The following RAP1GDS1 variants were observed in gnomAD, a reference collection of about 807,000 sequenced individuals.
The protein encoded by RAP1GDS1 is Rap1 GTPase-GDP dissociation stimulator 1.
A neutral mutation model predicts 71.1 loss-of-function variants in RAP1GDS1; 35 were observed. That is an observed-to-expected ratio of 0.49 (90% CI 0.38 to 0.65). RAP1GDS1 has a LOEUF of 0.65. Among genes scored for constraint, RAP1GDS1 ranks in the 30% least tolerant of loss-of-function variants. The probability of loss-of-function intolerance (pLI) is 0.00; values close to 1 mark genes in which losing one functional copy is unlikely to be tolerated. For synonymous variants in RAP1GDS1, 229 were observed against 243.1 expected, an observed-to-expected ratio of 0.94 and a Z score of 0.54; for missense variants, 663 against 706.1, an observed-to-expected ratio of 0.94 and a Z score of 0.69.
chr4:98,287,430 T>C (rs923365871), intron 1 of RAP1GDS1, among the ~76,000 whole-genome samples: 1 of 152,176 alleles, frequency 6.6e-6, no homozygotes, highest in Non-Finnish European at 1.5e-5. Context: ...AATCTTGTAA[T>C]GAATTATAAT....
At chr4:98,344,368 A>G (rs888547830) in intron 3 of RAP1GDS1, among the ~76,000 whole-genome samples, 1 of 152,200 alleles carries the variant, frequency 6.6e-6, no homozygotes, top group African/African-American at 2.4e-5. Context: ...GTTTTTAAGA[A>G]CAAGTCTTTT....
At chr4:98,403,853 C>T (rs1745767069) in intron 6 of RAP1GDS1, among the ~76,000 whole-genome samples, 1 of 152,024 alleles carries the variant, frequency 6.6e-6, no homozygotes, top group Non-Finnish European at 1.5e-5. Context: ...AGAGTAGAGG[C>T]AGTGTATGTA....
intron 2 of RAP1GDS1, among the ~76,000 whole-genome samples, chr4:98,339,004 T>C (rs941893682): frequency 6.6e-6 from 1 of 152,196 alleles, no homozygotes; most frequent in Admixed American, 6.5e-5. Context: ...TTCCCTCCCA[T>C]TCTCCTTACT....
At position 98,277,334 on chromosome 4, in the gene RAP1GDS1, A is replaced by T. The variant is rs116226616; in HGVS notation, c.4+15765A>T. On this transcript the variant is annotated intron_variant, in intron 1 of 14. Coordinates refer to ENST00000408927, the MANE Select transcript of RAP1GDS1 (RefSeq NM_001100427.2). ...ATTAACATTTTTAAAAAGACACTAC[A>T]TCAATTGTATTACTTTCTTATACAA... Among the ~76,000 whole-genome samples, 898 of 152,312 alleles carry T rather than the reference A, an allele frequency of 5.9e-3. 10 individuals are homozygous for T. Among genetic ancestry groups the T allele is most frequent in the African/African-American group, 0.021 (863 of 41,566 alleles).
At chr4:98,286,155 T>C (rs1481238409) in intron 1 of RAP1GDS1, among the ~76,000 whole-genome samples, 2 of 151,640 alleles carry the variant, frequency 1.3e-5, no homozygotes, top group African/African-American at 4.8e-5. Flanking sequence ...GCCCCATATA[T>C]TCAGCTTGCT....
At chr4:98,335,688 A>G (rs368109970) in intron 2 of RAP1GDS1, among the ~76,000 whole-genome samples, 27 of 151,954 alleles carry the variant, frequency 1.8e-4, no homozygotes, top group African/African-American at 6.3e-4. Context: ...TTCTTTTAGA[A>G]TGCTAGACCG....
At position 98,392,031 on chromosome 4, in the gene RAP1GDS1, A is replaced by C; in HGVS notation, c.588A>C (p.Ala196=). The part of the protein sequence containing the change: ...VKLLGIHCQN[A]ALTEMCLVAF... ...TACTGGGCATCCACTGCCAAAATGC[A>C]GCTCTTACAGAAATGTGTCTTGTTG... is the stretch of plus-strand genomic sequence containing the variant. Residue 196 remains alanine, a synonymous_variant, in exon 6 of 15, where the codon GCA becomes GCC. Coordinates refer to ENST00000408927, the MANE Select transcript of RAP1GDS1 (RefSeq NM_001100427.2). The C allele has an allele frequency of 6.2e-7, 1 of 1,613,004 alleles. No individual in the cohort carries two copies. Among genetic ancestry groups the C allele is most frequent in the Non-Finnish European group, 8.5e-7 (1 of 1,179,362 alleles).
chr4:98,340,059 G>A (rs1735274686), intron 2 of RAP1GDS1, among the ~76,000 whole-genome samples: 1 of 151,664 alleles, frequency 6.6e-6, no homozygotes, highest in Non-Finnish European at 1.5e-5. Flanking sequence ...AGAGAAAAGG[G>A]AATGCTTATA....
chr4:98,335,172 C>T (rs189521641), intron 2 of RAP1GDS1, among the ~76,000 whole-genome samples: 36 of 152,160 alleles, frequency 2.4e-4, no homozygotes, highest in East Asian at 9.7e-4. Context: ...CTCAAAAGTA[C>T]GGAAAATCCC....
chr4:98,352,339 T>G, intron 3 of RAP1GDS1, 137 bp from the exon 4 acceptor site: 2 of 886,280 alleles, frequency 2.3e-6, no homozygotes, highest in Non-Finnish European at 3.4e-6. Context: ...AAATGTACTC[T>G]TCAAATATTC....
chr4:98,428,573 A>G (rs1164555103), intron 12 of RAP1GDS1, among the ~76,000 whole-genome samples: 2 of 152,094 alleles, frequency 1.3e-5, no homozygotes, highest in African/African-American at 4.8e-5. Flanking sequence ...AGATATACAA[A>G]TGGCCAACTT....
chr4:98,354,387 A>G (rs538880846), intron 4 of RAP1GDS1, among the ~76,000 whole-genome samples: 5 of 152,292 alleles, frequency 3.3e-5, no homozygotes, highest in South Asian at 2.1e-4. Flanking sequence ...AACCTTGTTC[A>G]TTTTAGTTGT....
chr4:98,413,058 C>T (rs1390816821), intron 7 of RAP1GDS1, among the ~76,000 whole-genome samples: 1 of 152,108 alleles, frequency 6.6e-6, no homozygotes, highest in Admixed American at 6.6e-5. Context: ...TGACCTCAAA[C>T]TTACCAGGGC....
chr4:98,421,663 T>A (rs1337127558), intron 12 of RAP1GDS1, among the ~76,000 whole-genome samples: 1 of 152,154 alleles, frequency 6.6e-6, no homozygotes, highest in East Asian at 1.9e-4. Context: ...GTGCCAGGCA[T>A]TGACCATGCA....
chr4:98,344,633 G>T (rs918826926), intron 3 of RAP1GDS1, among the ~76,000 whole-genome samples: 1 of 152,104 alleles, frequency 6.6e-6, no homozygotes, highest in Non-Finnish European at 1.5e-5. Context: ...GTAGATGACA[G>T]CTATGTTCGA....
chr4:98,355,175 T>G (rs1036978367), intron 4 of RAP1GDS1, among the ~76,000 whole-genome samples: 1 of 152,188 alleles, frequency 6.6e-6, no homozygotes, highest in Non-Finnish European at 1.5e-5. Flanking sequence ...TTTTTCCTTT[T>G]TAAACAAGTT....
chr4:98,396,628 A>T (rs916780129), intron 6 of RAP1GDS1: 2 of 152,206 alleles, frequency 1.3e-5, no homozygotes, highest in African/African-American at 4.8e-5. Flanking sequence ...AGAGAAAAAT[A>T]TGTGTATCTA....
chr4:98,333,602 C>A lies in RAP1GDS1; in HGVS notation c.113-9537C>A, dbSNP rs568237623. 1.1e-4 allele frequency among the ~76,000 whole-genome samples: 17 copies of A among 152,106 alleles called. No individual in the cohort carries two copies. The East Asian group carries it at 2.9e-3, about 26-fold the overall frequency. On this transcript the variant is annotated intron_variant, in intron 2 of 14. Transcript: ENST00000408927. The stretch of plus-strand genomic sequence containing the variant: ...AATGAATATCTATTACTTAATTTAA[C>A]ATAACAGTGGGAATTTAGATTGCCT...
Position 98,408,106 on chromosome 4 carries a change from T to TA in RAP1GDS1, c.763+3504_763+3505insA, listed in dbSNP as rs1560973689. Among the ~76,000 whole-genome samples the TA allele has an allele frequency of 2.1e-3, 251 of 118,982 alleles. 2 individuals are homozygous for TA. Among genetic ancestry groups the TA allele is most frequent in the African/African-American group, 8.2e-3 (232 of 28,288 alleles). The allele number at this position is 118,982 out of a possible 152,430, so 78.1% of individuals were successfully genotyped here. ...CCATATATTTTATATATATATATAT[T>TA]TTTTTTTTTCCCTCCCCCGCAAGAT... On this transcript the variant is annotated intron_variant, in intron 7 of 14. Coordinates refer to ENST00000408927, the MANE Select transcript of RAP1GDS1 (RefSeq NM_001100427.2).
Sources: allele counts gnomAD v4.1 joint callset (sites outside exome capture counted in the v4.1 genomes callset), GRCh38; gene constraint gnomAD v4.1.1; transcripts MANE v1.5; gene names NCBI Gene and HGNC (gene_info 2026-07-23, HGNC 2026-07-21).